PCDH15: variants seen among roughly 807,000 people sequenced by gnomAD.
PCDH15 encodes protocadherin-15.
In PCDH15, 129 loss-of-function variants were observed where a neutral mutation model predicts 178.5. The ratio of observed to expected loss-of-function variants is 0.72; its 90% CI spans 0.63 to 0.84. The LOEUF (loss-of-function observed/expected upper bound fraction) is 0.84, where lower values mean the gene tolerates loss of function less well. Among genes scored for constraint, PCDH15 ranks in the 40% least tolerant of loss-of-function variants. The pLI is 0.00. For synonymous variants in PCDH15, 800 were observed against 732.0 expected, an observed-to-expected ratio of 1.09 and a Z score of -1.50; for missense variants, 2,230 against 2,099.9, an observed-to-expected ratio of 1.06 and a Z score of -1.21.
intron 8 of PCDH15, among the ~76,000 whole-genome samples, chr10:54,272,009 C>CATAT (rs954401404): frequency 4.9e-5 from 7 of 143,492 alleles, no homozygotes; most frequent in African/African-American, 1.8e-4. Context: ...ATATATATAT[C>CATAT]ATATATATAT....
At chr10:54,713,371 C>T (rs544653796) in intron 1 of PCDH15, among the ~76,000 whole-genome samples, 204 of 152,080 alleles carry the variant, frequency 1.3e-3, no homozygotes, top group African/African-American at 4.7e-3. Flanking sequence ...AACAGACGCA[C>T]GAGAGGAATA....
chr10:54,115,348 G>A (rs551150090), intron 15 of PCDH15, among the ~76,000 whole-genome samples: 1 of 152,294 alleles, frequency 6.6e-6, no homozygotes, highest in South Asian at 2.1e-4. Context: ...CAAGCATTGA[G>A]CATGGGAAAT....
chr10:54,074,595 T>TA (rs1357145348), intron 17 of PCDH15, among the ~76,000 whole-genome samples: 7 of 152,202 alleles, frequency 4.6e-5, no homozygotes, highest in African/African-American at 1.7e-4. Context: ...TTACTCTACA[T>TA]AAACATGGAA....
chr10:54,664,085 T>C (rs2094532499), intron 2 of PCDH15, 87 bp downstream of exon 2: 2 of 986,472 alleles, frequency 2.0e-6, no homozygotes, highest in Non-Finnish European at 3.2e-6. Context: ...AAACTACAAA[T>C]TAGCATTATT....
intron 1 of PCDH15, among the ~76,000 whole-genome samples, chr10:55,174,138 T>G (rs1475475334): frequency 1.3e-5 from 2 of 152,188 alleles, no homozygotes; most frequent in Admixed American, 6.6e-5. Flanking sequence ...AAATCGATTT[T>G]AAATTGATAA....
intron 3 of PCDH15, among the ~76,000 whole-genome samples, chr10:54,397,500 C>T (rs182812114): frequency 6.6e-6 from 1 of 152,082 alleles, no homozygotes; most frequent in East Asian, 1.9e-4. Flanking sequence ...TAAAGTCTTG[C>T]CTGTTTAACT....
At chr10:55,350,623 T>C (rs1378607102) in intron 2 of PCDH15, among the ~76,000 whole-genome samples, 1 of 151,978 alleles carries the variant, frequency 6.6e-6, no homozygotes, top group Non-Finnish European at 1.5e-5. Flanking sequence ...TCATCGAAGA[T>C]AGAAAATGGA....
At chr10:54,111,617 G>A (rs138058487) in intron 15 of PCDH15, among the ~76,000 whole-genome samples, 3 of 152,132 alleles carry the variant, frequency 2.0e-5, no homozygotes, top group Non-Finnish European at 4.4e-5. Context: ...TTTCCATAAA[G>A]ATAGACTAAC....
chr10:54,680,700 G>A (rs921304984), intron 1 of PCDH15, among the ~76,000 whole-genome samples: 7 of 152,116 alleles, frequency 4.6e-5, no homozygotes, highest in Non-Finnish European at 8.8e-5. Context: ...TTCTATAAAT[G>A]GGAGTTCCCC....
rs373096306 is a variant in PCDH15 at position 55,366,829 on chromosome 10, C to T, written c.-155-200178G>A. ...AGAAGCCTAAATGCGGAATTTGGCA[C>T]TTAAAAAATTTCTAAAATGTATCTA... On this transcript the variant is annotated intron_variant, in intron 2 of 5. Coordinates refer to the PCDH15 transcript ENST00000613346. 3.2e-4 allele frequency among the ~76,000 whole-genome samples: 48 copies of T among 152,122 alleles called. No individual in the cohort carries two copies. In the East Asian group the frequency reaches 9.1e-3, roughly 29 times the overall value.
chr10:55,335,640 T>C (rs1900474), intron 2 of PCDH15, among the ~76,000 whole-genome samples: 80,952 of 151,826 alleles, frequency 0.53, 21,918 homozygotes, highest in African/African-American at 0.59. Context: ...TTGGAAAGAC[T>C]GGAGAGATCA....
chr10:55,426,760 C>T lies in PCDH15; in HGVS notation c.-156+200865G>A, dbSNP rs73259645. 5.4e-3 allele frequency among the ~76,000 whole-genome samples: 815 copies of T among 152,232 alleles called. 12 individuals carry two copies. The highest frequency in any genetic ancestry group is 0.018 in the African/African-American group (765 of 41,530). ...ATGGTAAATGCGGATGATTTTCTTG[C>T]CAATGGAAAGGGACCTGAAAAGGAG... On this transcript the variant is annotated intron_variant, in intron 2 of 5. Transcript: ENST00000613346.
At position 54,984,474 on chromosome 10, in the gene PCDH15, A is replaced by T. The variant is rs182340774; in HGVS notation, c.-79-86974T>A. On this transcript the variant is annotated intron_variant, in intron 2 of 5. Coordinates refer to the PCDH15 transcript ENST00000458638. ...TTGCTGTGTTTCTCAGTCTGTTACCATCAGCATATCCTTAGTCCAATCACA... is the reference window on the plus strand; with the variant it reads ...TTGCTGTGTTTCTCAGTCTGTTACCTTCAGCATATCCTTAGTCCAATCACA... 5.0e-4 allele frequency among the ~76,000 whole-genome samples: 76 copies of T among 152,296 alleles called. No homozygotes were observed. In the East Asian group the frequency reaches 0.011, roughly 22 times the overall value.
rs147497285 is a variant in PCDH15, at chr10:54,625,881, G to A, written c.91+38291C>T. Among the ~76,000 whole-genome samples the A allele has an allele frequency of 7.2e-5, 11 of 152,204 alleles. No individual in the cohort carries two copies. In the East Asian group the frequency reaches 2.1e-3, roughly 29 times the overall value. ...AAGAGAGGAAAATGTAGGAAATTTT[G>A]GAACTCCCTAGAGACTTGTTGAATA... On this transcript the variant is annotated intron_variant, in intron 2 of 37. Transcript: ENST00000644397.
intron 2 of PCDH15, among the ~76,000 whole-genome samples, chr10:54,922,019 A>T (rs1837503984): frequency 6.6e-6 from 1 of 152,164 alleles, no homozygotes; most frequent in Admixed American, 6.5e-5. Flanking sequence ...CAAGAAGAAA[A>T]TCCTAACCCA....
chr10:53,880,885 T>C (rs1368633175), intron 26 of PCDH15, among the ~76,000 whole-genome samples: 1 of 152,160 alleles, frequency 6.6e-6, no homozygotes, highest in Non-Finnish European at 1.5e-5. Flanking sequence ...AACATGTTAA[T>C]ATAAACAACC....
In PCDH15 at chr10:55,384,059, T is replaced by A. The variant is rs59630550; in HGVS notation, c.-155-217408A>T. On this transcript the variant is annotated intron_variant, in intron 2 of 5. Coordinates refer to the PCDH15 transcript ENST00000613346. ...TTAAGACAGTATACTTAAAAAGTAA[T>A]AAAACATTAAATAATGATGCATTGA... Among the ~76,000 whole-genome samples the A allele has an allele frequency of 5.4e-3, 816 of 152,270 alleles. 9 individuals carry two copies. Among genetic ancestry groups the A allele is most frequent in the African/African-American group, 0.018 (767 of 41,568 alleles).
intron 2 of PCDH15, among the ~76,000 whole-genome samples, chr10:55,011,800 G>A (rs944784526): frequency 2.6e-5 from 4 of 151,746 alleles, no homozygotes; most frequent in Non-Finnish European, 5.9e-5. Context: ...AATGAAAAAA[G>A]GGATCAAGAA....
At chr10:54,310,000 C>T (rs1421853565) in intron 8 of PCDH15, among the ~76,000 whole-genome samples, 1 of 152,006 alleles carries the variant, frequency 6.6e-6, no homozygotes, top group East Asian at 1.9e-4. Context: ...GAGGATCTAT[C>T]ATTTTAGGTT....
Sources: allele counts gnomAD v4.1 joint callset (sites outside exome capture counted in the v4.1 genomes callset), GRCh38; gene constraint gnomAD v4.1.1; transcripts MANE v1.5; gene names NCBI Gene and HGNC (gene_info 2026-07-23, HGNC 2026-07-21).